PTPRZ1: variants seen among roughly 807,000 people sequenced by gnomAD.
PTPRZ1 encodes protein tyrosine phosphatase receptor type Z1, also known as receptor-type tyrosine-protein phosphatase zeta.
In PTPRZ1, 82 loss-of-function variants were observed where a neutral mutation model predicts 214.1. That is an observed-to-expected ratio of 0.38 (90% CI 0.32 to 0.46). The LOEUF is 0.46. Ranked by LOEUF, PTPRZ1 falls within the 20% of genes least tolerant of loss-of-function variation. The pLI, the probability that PTPRZ1 is intolerant of heterozygous loss-of-function variation, is 1.00. For synonymous variants in PTPRZ1, 945 were observed against 987.9 expected (o/e 0.96, Z 0.81); for missense variants, 2,603 against 2,748.7 (o/e 0.95, Z 1.19).
chr7:122,020,830 T>C (rs892041315), intron 13 of PTPRZ1, among the ~76,000 whole-genome samples: 5 of 118,132 alleles, frequency 4.2e-5, no homozygotes, highest in African/African-American at 1.7e-4. Flanking sequence ...CAAAGATTCT[T>C]TTTTTTTTTT....
chr7:122,003,390 C>T (rs1208915400), intron 10 of PTPRZ1, among the ~76,000 whole-genome samples: 1 of 152,104 alleles, frequency 6.6e-6, no homozygotes, highest in Non-Finnish European at 1.5e-5. Flanking sequence ...TTATCTGAAT[C>T]TTCTTGGAAG....
chr7:122,059,820 A>G lies in PTPRZ1; in HGVS notation c.6739A>G (p.Asn2247Asp). The stretch of plus-strand genomic sequence containing the variant: ...CCTTATGCACCAACTAGAAAAAGAA[A>G]ATTCCGTGGATGTTTACCAGGTAGC... Reference protein sequence around the residue: ...TTLMHQLEKENSVDVYQVAKM... With the variant: ...TTLMHQLEKEDSVDVYQVAKM... The change falls in exon 29 of 30, where the codon AAT becomes GAT. Residue 2247 changes from asparagine (N) to aspartate (D), a missense_variant. By Grantham distance (23) the Asn-to-Asp change is conservative (BLOSUM62 1). Around this residue, in one of 6 missense-constraint regions of PTPRZ1, gnomAD observed 165 missense variants for 151.4 expected, o/e 1.09. Transcript: ENST00000393386. 6.2e-7 allele frequency: 1 copy of G among 1,613,740 alleles called. No individual in the cohort carries two copies. The highest frequency in any genetic ancestry group is 1.1e-5 in the South Asian group (1 of 91,074).
At position 122,061,944 on chromosome 7, in the gene PTPRZ1, A is replaced by G. The variant is rs529903217; in HGVS notation, c.*724A>G. On this transcript the variant is annotated 3_prime_UTR_variant, in exon 30 of 30. Coordinates refer to ENST00000393386, the MANE Select transcript of PTPRZ1 (RefSeq NM_002851.3). ...GAAAATAGAAATACCTTCATTTTGA[A>G]AGAAGTTTTTATGAGAATAACACCT... 4.6e-5 allele frequency: 7 copies of G among 152,724 alleles called. No individual in the cohort carries two copies. The highest frequency in any genetic ancestry group is 7.2e-5 in the African/African-American group (3 of 41,550). The allele number at this position is 152,724 out of a possible 1,614,324, so 9.5% of individuals were successfully genotyped here.
chr7:122,056,841 G>A (rs576849782), intron 27 of PTPRZ1, among the ~76,000 whole-genome samples: 7 of 151,696 alleles, frequency 4.6e-5, no homozygotes, highest in African/African-American at 1.7e-4. Flanking sequence ...TATTTTATCA[G>A]TTAACCCTTG....
At chr7:122,035,071 C>T (rs547674016) in intron 17 of PTPRZ1, among the ~76,000 whole-genome samples, 24 of 152,200 alleles carry the variant, frequency 1.6e-4, no homozygotes, top group Admixed American at 1.2e-3. Flanking sequence ...GCTCCCTCCC[C>T]ACTCCAAAAA....
At chr7:122,035,615 A>G (rs1562874858) in intron 17 of PTPRZ1, among the ~76,000 whole-genome samples, 1 of 152,204 alleles carries the variant, frequency 6.6e-6, no homozygotes. Flanking sequence ...TATTAAAACC[A>G]AACTACAAAA....
At chr7:122,017,792 G>A (rs1431617840) in intron 12 of PTPRZ1, among the ~76,000 whole-genome samples, 1 of 151,618 alleles carries the variant, frequency 6.6e-6, no homozygotes, top group Non-Finnish European at 1.5e-5. Context: ...GGCTGGTCTT[G>A]AACTCCTGAC....
chr7:122,013,428 C>T lies in PTPRZ1; in HGVS notation c.4382C>T (p.Thr1461Ile). The T allele has an allele frequency of 6.2e-7, 1 of 1,614,130 alleles. No homozygotes were observed. Among genetic ancestry groups the T allele is most frequent in the Admixed American group, 1.7e-5 (1 of 60,016 alleles). ...GAAAAGGTAATGAATGATTCAGACA[C>T]CCACGAAAACAGTCTTATGGATCAG... The part of the protein sequence containing the change: ...SQEKVMNDSD[T>I]HENSLMDQNN... The change falls in exon 12 of 30, where the codon ACC becomes ATC. Residue 1461 changes from threonine (T) to isoleucine (I), a missense_variant. This residue lies in a region of PTPRZ1 where 1,913 missense variants were observed against 1,914.3 expected (regional missense o/e 1.00). Coordinates refer to ENST00000393386, the MANE Select transcript of PTPRZ1 (RefSeq NM_002851.3).
At chr7:121,924,234 T>C (rs1003229087) in intron 1 of PTPRZ1, among the ~76,000 whole-genome samples, 2 of 152,172 alleles carry the variant, frequency 1.3e-5, no homozygotes, top group African/African-American at 4.8e-5. Context: ...ATTTCATTAT[T>C]TTAATGGATC....
At position 122,010,698 on chromosome 7, in the gene PTPRZ1, T is replaced by C. The variant is rs768256834; in HGVS notation, c.1652T>C (p.Met551Thr). Residue 551 changes from methionine to threonine, a missense_variant, in exon 12 of 30, where the codon ATG (methionine) becomes ACG (threonine). Transcript: ENST00000393386. ...AAAACTGTTCTTAGATCTCCACATA[T>C]GAACTTGTCGGGGACTGCAGAATCC... is the stretch of plus-strand genomic sequence containing the variant. ...GSKTVLRSPH[M>T]NLSGTAESLN... The C allele has an allele frequency of 1.2e-6, 2 of 1,613,978 alleles. No homozygotes were observed. The highest frequency in any genetic ancestry group is 1.7e-5 in the Admixed American group (1 of 60,002).
chr7:121,996,517 G>A lies in PTPRZ1; in HGVS notation c.1064G>A (p.Gly355Glu), dbSNP rs758005867. The A allele has an allele frequency of 6.2e-7, 1 of 1,613,004 alleles. No individual in the cohort carries two copies. The highest frequency in any genetic ancestry group is 8.5e-7 in the Non-Finnish European group (1 of 1,179,380). Residue 355 changes from glycine (G) to glutamate (E), a missense_variant, in exon 9 of 30, where the codon GGA (glycine) becomes GAA (glutamate). Physicochemically the swap from Gly to Glu is moderately conservative, Grantham distance 98. Transcript: ENST00000393386. ...GCAGTTTTGTACCAGCAGTTGGATG[G>A]AGAGGACCAAACCAAGCATGAATTT... ...KFAVLYQQLDGEDQTKHEFLT... is the reference protein window; with the variant it reads ...KFAVLYQQLDEEDQTKHEFLT...
chr7:121,977,072 G>A (rs555137423), intron 6 of PTPRZ1, among the ~76,000 whole-genome samples: 1 of 152,292 alleles, frequency 6.6e-6, no homozygotes, highest in East Asian at 1.9e-4. Flanking sequence ...AAACATTAAT[G>A]TAAGTAGGAA....
chr7:122,008,552 A>T (rs529525541), intron 11 of PTPRZ1, among the ~76,000 whole-genome samples: 90 of 152,214 alleles, frequency 5.9e-4, no homozygotes, highest in African/African-American at 2.0e-3. Context: ...GGAGGGGCAG[A>T]GATAACTTGG....
intron 5 of PTPRZ1, 40 bp from the exon 6 acceptor site, chr7:121,976,745 T>C: frequency 7.0e-7 from 1 of 1,432,514 alleles, no homozygotes; most frequent in African/African-American, 1.4e-5. Flanking sequence ...GTTATCCAAA[T>C]GTTTTATTCT....
rs1164608508 is a variant in PTPRZ1 at position 122,019,142 on chromosome 7, A to T, written c.4862A>T (p.His1621Leu). The T allele has an allele frequency of 1.2e-6, 2 of 1,611,884 alleles. No homozygotes were observed. Among genetic ancestry groups the T allele is most frequent in the Middle Eastern group, 1.7e-4 (1 of 6,054 alleles). ...ACTACAGAGGCCAGTAATAGTAGCC[A>T]TGAGTCTCGTATTGGTCTAGCTGAG... Reference protein sequence around the residue: ...VSEAEASNSSHESRIGLAEGL... With the variant: ...VSEAEASNSSLESRIGLAEGL... Residue 1621 changes from histidine to leucine, a missense_variant, in exon 13 of 30, where the codon CAT (histidine) becomes CTT (leucine). His to Leu is a moderately conservative substitution (Grantham distance 99). This residue lies in a region of PTPRZ1 where 1,913 missense variants were observed against 1,914.3 expected (regional missense o/e 1.00). Coordinates refer to ENST00000393386, the MANE Select transcript of PTPRZ1 (RefSeq NM_002851.3).
At chr7:121,981,500 G>A (rs1484682483) in intron 6 of PTPRZ1, among the ~76,000 whole-genome samples, 1 of 152,166 alleles carries the variant, frequency 6.6e-6, no homozygotes, top group Non-Finnish European at 1.5e-5. Flanking sequence ...TCAGGAGATA[G>A]GAAAACAAAT....
chr7:121,908,088 A>G (rs943363625), intron 1 of PTPRZ1, among the ~76,000 whole-genome samples: 1 of 152,114 alleles, frequency 6.6e-6, no homozygotes, highest in Non-Finnish European at 1.5e-5. Context: ...AAATGTGTCA[A>G]GTGTTGCCAA....
intron 14 of PTPRZ1, among the ~76,000 whole-genome samples, chr7:122,031,106 C>A (rs569167789): frequency 1.3e-5 from 2 of 151,996 alleles, no homozygotes; most frequent in African/African-American, 4.8e-5. Flanking sequence ...TATATTATTT[C>A]TACATTTTTT....
At chr7:121,954,232 T>G (rs951863797) in intron 2 of PTPRZ1, among the ~76,000 whole-genome samples, 9 of 152,178 alleles carry the variant, frequency 5.9e-5, no homozygotes, top group African/African-American at 2.2e-4. Context: ...AATTTAAATA[T>G]GACCGTGACA....
Sources: allele counts gnomAD v4.1 joint callset (sites outside exome capture counted in the v4.1 genomes callset), GRCh38; gene constraint gnomAD v4.1.1; regional missense constraint gnomAD v4.1.1; transcripts MANE v1.5; gene names NCBI Gene and HGNC (gene_info 2026-07-23, HGNC 2026-07-21).